ATP8A1: variants seen among roughly 807,000 people sequenced by gnomAD.
ATP8A1 encodes ATPase phospholipid transporting 8A1.
In ATP8A1, 90 loss-of-function variants were observed where a neutral mutation model predicts 177.7. That is an observed-to-expected ratio of 0.51 (90% CI 0.43 to 0.60). The LOEUF (loss-of-function observed/expected upper bound fraction) is 0.60. Among genes scored for constraint, ATP8A1 ranks in the 20% least tolerant of loss-of-function variants. The pLI is 0.00. For missense variants in ATP8A1, 1,072 were observed against 1,392.8 expected, an observed-to-expected ratio of 0.77 and a Z score of 3.67; for synonymous variants, 493 against 485.9, an observed-to-expected ratio of 1.01 and a Z score of -0.19.
intron 1 of ATP8A1, among the ~76,000 whole-genome samples, chr4:42,649,767 T>C (rs1392544340): frequency 6.6e-6 from 1 of 152,140 alleles, no homozygotes; most frequent in Admixed American, 6.5e-5. Context: ...GGGTACTAGA[T>C]TTAGTACATC....
At position 42,462,223 on chromosome 4, in the gene ATP8A1, A is replaced by G. The variant is rs553641102; in HGVS notation, c.2619+2467T>C. Among the ~76,000 whole-genome samples, 3 of 152,350 alleles carry G rather than the reference A, an allele frequency of 2.0e-5. No individual in the cohort carries two copies. In the East Asian group the frequency reaches 5.8e-4, roughly 29 times the overall value. On this transcript the variant is annotated intron_variant, in intron 27 of 36. Coordinates refer to ENST00000381668, the MANE Select transcript of ATP8A1 (RefSeq NM_006095.2). The stretch of plus-strand genomic sequence containing the variant: ...CTAAGTAATGAGAAGCCAAATGTTA[A>G]TCCTCAAGACAACGGGGAAAATGTC...
Position 42,507,069 on chromosome 4 carries a change from T to TCTC in ATP8A1, c.2032_2033insGAG (p.Ala677_Asp678insGly). On this transcript the variant is annotated inframe_insertion, in exon 23 of 37. Coordinates refer to ENST00000381668, the MANE Select transcript of ATP8A1 (RefSeq NM_006095.2). ...CCCTGTAAGGATCCAGATTTTGATG[T>TCTC]CTGCTTTCATTAGCGTTTCTATGGT... 1 of 1,614,134 alleles carries TCTC rather than the reference T, an allele frequency of 6.2e-7. No homozygotes were observed. Among genetic ancestry groups the TCTC allele is most frequent in the Non-Finnish European group, 8.5e-7 (1 of 1,179,960 alleles).
chr4:42,552,358 AC>A, intron 17 of ATP8A1, 146 bp downstream of exon 17: 1 of 634,424 alleles, frequency 1.6e-6, no homozygotes, highest in Non-Finnish European at 2.7e-6. Flanking sequence ...TACATATTTA[AC>A]CTTGAAAGCC....
chr4:42,592,274 T>G (rs761576532), intron 6 of ATP8A1, among the ~76,000 whole-genome samples: 1 of 152,128 alleles, frequency 6.6e-6, no homozygotes, highest in Non-Finnish European at 1.5e-5. Context: ...TTCGATAAAT[T>G]GAAATTCATA....
At chr4:42,490,034 G>A (rs962791057) in intron 24 of ATP8A1, among the ~76,000 whole-genome samples, 6 of 152,294 alleles carry the variant, frequency 3.9e-5, no homozygotes, top group Non-Finnish European at 5.9e-5. Flanking sequence ...AATCTGGGGA[G>A]ATGGACAGGT....
intron 33 of ATP8A1, among the ~76,000 whole-genome samples, chr4:42,441,390 T>G (rs1456563602): frequency 6.6e-6 from 1 of 150,806 alleles, no homozygotes. Context: ...TTGATTGAGA[T>G]AAGAATTTTA....
intron 9 of ATP8A1, 50 bp downstream of exon 9, chr4:42,586,299 C>A: frequency 6.3e-7 from 1 of 1,599,934 alleles, no homozygotes. Flanking sequence ...CACAGCAATA[C>A]TCTATGACAC....
chr4:42,448,401 C>CTTTTTTTTTTTTTTTTTTTTTTT, intron 30 of ATP8A1, among the ~76,000 whole-genome samples: 23 of 99,548 alleles, frequency 2.3e-4, no homozygotes, highest in Middle Eastern at 8.3e-3. Flanking sequence ...TCTTTCTTTT[C>CTTTTTTTTTTTTTTTTTTTTTTT]TTTTTTTTTT....
chr4:42,639,745 G>C (rs1444578226), intron 1 of ATP8A1, among the ~76,000 whole-genome samples: 1 of 152,204 alleles, frequency 6.6e-6, no homozygotes, highest in African/African-American at 2.4e-5. Context: ...GTGAATGAGA[G>C]AGGAACTAAA....
In ATP8A1 at chr4:42,656,860, C is replaced by T. The variant is rs1363752199; in HGVS notation, c.14G>A (p.Arg5Gln). 6 of 1,587,744 alleles carry T rather than the reference C, an allele frequency of 3.8e-6. No individual in the cohort carries two copies. The highest frequency in any genetic ancestry group is 5.1e-6 in the Non-Finnish European group (6 of 1,167,336). MPTM[R>Q]RTVSEIRSRA... is the part of the protein sequence containing the mutation. ...CGAGCGGATCTCCGACACGGTCCTC[C>T]GCATGGTGGGCATCGCGGCGGCGGC... The change falls in exon 1 of 37, where the codon CGG becomes CAG. Residue 5 changes from arginine (R) to glutamine (Q), a missense_variant. Physicochemically the swap from Arg to Gln is conservative, Grantham distance 43. Transcript: ENST00000381668.
At chr4:42,619,106 G>A (rs150328129) in intron 4 of ATP8A1, among the ~76,000 whole-genome samples, 11 of 151,694 alleles carry the variant, frequency 7.3e-5, no homozygotes, top group Admixed American at 2.0e-4. Flanking sequence ...CTGGAGTGCC[G>A]TAGTGGGATC....
chr4:42,558,050 A>AAAAACG (rs1730428134), intron 15 of ATP8A1, among the ~76,000 whole-genome samples: 3 of 152,022 alleles, frequency 2.0e-5, no homozygotes, highest in Non-Finnish European at 4.4e-5. Flanking sequence ...AAACAAAAAC[A>AAAAACG]AAAACAAAAA....
intron 15 of ATP8A1, among the ~76,000 whole-genome samples, chr4:42,564,927 G>C (rs537515848): frequency 1.3e-5 from 2 of 152,252 alleles, no homozygotes; most frequent in African/African-American, 4.8e-5. Context: ...GAATCATGGG[G>C]ACAGGTCTTT....
At chr4:42,654,887 G>A (rs1741466685) in intron 1 of ATP8A1, among the ~76,000 whole-genome samples, 1 of 152,150 alleles carries the variant, frequency 6.6e-6, no homozygotes, top group East Asian at 1.9e-4. Flanking sequence ...AGGAAAGGTA[G>A]GACTATATTT....
rs1721493242 is a variant in ATP8A1, at chr4:42,479,996, T to TGTGTGTGTGTG, written c.2324+5499_2324+5500insCACACACACAC. Among the ~76,000 whole-genome samples, 42 of 135,658 alleles carry TGTGTGTGTGTG rather than the reference T, an allele frequency of 3.1e-4. No homozygotes were observed. The East Asian group carries it at 7.9e-3, about 25-fold the overall frequency. The allele number at this position is 135,658 out of a possible 152,430, so 89.0% of individuals were successfully genotyped here. A position where few individuals can be genotyped will look rare whatever the true frequency, so the allele number is the denominator to read the frequency against. ...AGAATTATGTAATCTGCAGTTCTGC[T>TGTGTGTGTGTG]TGTGTGTGTGTGTGTGTGTGTGTGT... On this transcript the variant is annotated intron_variant, in intron 25 of 36. Transcript: ENST00000381668.
chr4:42,474,279 G>A (rs1560365835), intron 25 of ATP8A1, among the ~76,000 whole-genome samples: 1 of 152,110 alleles, frequency 6.6e-6, no homozygotes, highest in African/African-American at 2.4e-5. Context: ...AGGGATAATG[G>A]AAGAACACAC....
At chr4:42,615,812 T>C (rs902239362) in intron 5 of ATP8A1, among the ~76,000 whole-genome samples, 26 of 152,222 alleles carry the variant, frequency 1.7e-4, no homozygotes, top group African/African-American at 6.0e-4. Context: ...AGCACTTAAA[T>C]ATATTTAAAA....
chr4:42,572,451 C>G (rs548837722), intron 14 of ATP8A1, among the ~76,000 whole-genome samples: 2 of 152,314 alleles, frequency 1.3e-5, no homozygotes, highest in Admixed American at 6.5e-5. Context: ...AACATGTGGT[C>G]AAGTCAGAAG....
At chr4:42,589,850 TAC>T (rs1733980672) in intron 7 of ATP8A1, among the ~76,000 whole-genome samples, 1 of 75,396 alleles carries the variant, frequency 1.3e-5, no homozygotes, top group African/African-American at 4.5e-5. Context: ...ATTCTAATTC[TAC>T]TTTTTTTTTT....
Sources: gnomAD v4.1 joint callset for allele counts (sites outside exome capture counted in the v4.1 genomes callset) on GRCh38, gnomAD v4.1.1 for gene constraint, MANE v1.5 for transcripts, NCBI Gene and HGNC (gene_info 2026-07-23, HGNC 2026-07-21) for gene names.